TPCN1: variants seen among roughly 807,000 people sequenced by gnomAD.
TPCN1 encodes the protein two pore segment channel 1, also known as two pore channel protein 1.
In TPCN1, 52 loss-of-function variants were observed where a neutral mutation model predicts 108.8. The observed-to-expected ratio is 0.48, with a 90% confidence interval of 0.38 to 0.60. The LOEUF is 0.60. TPCN1 is among the 20% of genes least tolerant of loss of function. The pLI is 0.00. For missense variants in TPCN1, 806 were observed against 1,072.8 expected, an observed-to-expected ratio of 0.75 and a Z score of 3.47; for synonymous variants, 446 against 433.7, an observed-to-expected ratio of 1.03 and a Z score of -0.35.
rs367881305 is a variant in TPCN1 at position 113,278,209 on chromosome 12, T to C, written c.1205T>C (p.Ile402Thr). 5 of 1,613,796 alleles carry C rather than the reference T, an allele frequency of 3.1e-6. No individual in the cohort carries two copies. Among genetic ancestry groups the C allele is most frequent in the Non-Finnish European group, 8.5e-7 (1 of 1,179,866 alleles). ...GGTAGCCTAAAGGACTTTTACGATA[T>C]CTACGAAGTTGCTGCTTTGAAGTGG... ...PLLSLKDFYD[I>T]YEVAALKWKA... Residue 402 changes from isoleucine (I) to threonine (T), a missense_variant, in exon 13 of 28, where the codon ATC becomes ACC. Physicochemically the swap from Ile to Thr is moderately conservative, Grantham distance 89. Transcript: ENST00000335509.
rs1459437268 is a variant in TPCN1, at chr12:113,272,098, G to A, written c.749-560G>A. On this transcript the variant is annotated intron_variant, in intron 7 of 27. Coordinates refer to ENST00000335509, the MANE Select transcript of TPCN1 (RefSeq NM_017901.6). This position sits in a 1 kb window ranked among gnomAD's most constrained non-coding sequence, Gnocchi z 4.1. Reference sequence around the variant, plus strand: ...ACCACCCCACTCTTGGTAGAATTTTGTTTGTGCTTCTCCGGGGGTAGGGGC... The same window carrying A: ...ACCACCCCACTCTTGGTAGAATTTTATTTGTGCTTCTCCGGGGGTAGGGGC... Among the ~76,000 whole-genome samples the A allele has an allele frequency of 6.6e-6, 1 of 152,062 alleles. No individual in the cohort carries two copies. The highest frequency in any genetic ancestry group is 1.5e-5 in the Non-Finnish European group (1 of 68,014).
At position 113,288,153 on chromosome 12, in the gene TPCN1, C is replaced by T. The variant is rs201207330; in HGVS notation, c.1635-10C>T. 100 of 1,611,014 alleles carry T rather than the reference C, an allele frequency of 6.2e-5. No individual in the cohort carries two copies. The African/African-American group carries it at 1.2e-3, about 20-fold the overall frequency. On this transcript the variant is annotated splice_polypyrimidine_tract_variant and intron_variant, in intron 19 of 27. Coordinates refer to ENST00000335509, the MANE Select transcript of TPCN1 (RefSeq NM_017901.6). This position sits in a 1 kb window ranked among gnomAD's most constrained non-coding sequence, Gnocchi z 4.8. ...TGTGTGTGGAGGTGACGGGTGTCCT[C>T]CTCGCTCAGGTTGTTTAAGTTGAAG...
rs1339433450 is a variant in TPCN1 at position 113,278,767 on chromosome 12, A to G, written c.1234-5A>G. The G allele has an allele frequency of 6.2e-7, 1 of 1,613,868 alleles. No homozygotes were observed. The highest frequency in any genetic ancestry group is 8.5e-7 in the Non-Finnish European group (1 of 1,179,834). ...ACCCTCCCTCTTGGTCCTGTTGTCT[A>G]CCAGGCCAAGAAAAACAGAGAGCAC... On this transcript the variant is annotated splice_region_variant and splice_polypyrimidine_tract_variant and intron_variant, in intron 13 of 27. Coordinates refer to ENST00000335509, the MANE Select transcript of TPCN1 (RefSeq NM_017901.6).
At chr12:113,286,906 C>A in intron 18 of TPCN1, 81 bp from the exon 19 acceptor site, 1 of 956,184 alleles carries the variant, frequency 1.0e-6, no homozygotes, top group South Asian at 1.4e-5. Context: ...GGGAGGGTGG[C>A]TGTGCACAGG....
rs1439618229 is a variant in TPCN1 at position 113,231,324 on chromosome 12, C to T, written c.112+4360C>T. On this transcript the variant is annotated intron_variant, in intron 2 of 27. Transcript: ENST00000335509. The surrounding 1 kb of genome is among the most constrained non-coding windows in gnomAD (Gnocchi z 4.3). ...GCAGGTTTGGTTTCTTGCGAAGCCTCTTTCCTTGGCTCGCAAATGGTTATC... is the reference window on the plus strand; with the variant it reads ...GCAGGTTTGGTTTCTTGCGAAGCCTTTTTCCTTGGCTCGCAAATGGTTATC... 1.3e-5 allele frequency among the ~76,000 whole-genome samples: 2 copies of T among 152,220 alleles called. No homozygotes were observed. The highest frequency in any genetic ancestry group is 4.8e-5 in the African/African-American group (2 of 41,462).
chr12:113,286,427 A>T (rs2136729073), intron 18 of TPCN1, among the ~76,000 whole-genome samples: 1 of 152,226 alleles, frequency 6.6e-6, no homozygotes, highest in East Asian at 1.9e-4. Context: ...TTGGGCCGCG[A>T]GGGTGAGCGG....
chr12:113,263,217 A>G (rs1017798645), intron 3 of TPCN1, among the ~76,000 whole-genome samples: 9 of 152,224 alleles, frequency 5.9e-5, no homozygotes, highest in African/African-American at 2.2e-4. Context: ...AAAAAATTAA[A>G]GAAAAACTTG....
At chr12:113,290,309 C>T (rs1268342121) in intron 22 of TPCN1, 66 bp downstream of exon 22, 45 of 1,153,046 alleles carry the variant, frequency 3.9e-5, no homozygotes, top group Non-Finnish European at 2.9e-5. Flanking sequence ...CTTGTCACCA[C>T]GGGTCCCAGA....
chr12:113,292,462 G>T, intron 25 of TPCN1: 1 of 191,792 alleles, frequency 5.2e-6, no homozygotes. Context: ...TCTGTGTGCT[G>T]ACCCTCCCTT....
chr12:113,249,013 G>A (rs1749896147), intron 2 of TPCN1, among the ~76,000 whole-genome samples: 3 of 152,126 alleles, frequency 2.0e-5, no homozygotes, highest in Admixed American at 2.0e-4. Flanking sequence ...CTATTTGTGG[G>A]CCTTTCAGCT....
rs1956425469 is a variant in TPCN1 at position 113,296,203 on chromosome 12, A to G, written c.*127A>G. The G allele has an allele frequency of 7.2e-7, 1 of 1,393,002 alleles. No homozygotes were observed. Among genetic ancestry groups the G allele is most frequent in the South Asian group, 1.5e-5 (1 of 68,436 alleles). The allele number at this position is 1,393,002 out of a possible 1,614,324, so 86.3% of individuals were successfully genotyped here. On this transcript the variant is annotated 3_prime_UTR_variant, in exon 28 of 28. Transcript: ENST00000335509. ...ACATATTTATATACAGGAAGAAAAA[A>G]GACAGACAAGATGGGGCTTGGTTTA...
chr12:113,245,182 T>C (rs1265262547), intron 2 of TPCN1, among the ~76,000 whole-genome samples: 2 of 151,696 alleles, frequency 1.3e-5, no homozygotes, highest in Non-Finnish European at 2.9e-5. Flanking sequence ...GGTGGGAGGA[T>C]TGCTTGAACC....
At chr12:113,291,074 T>A in intron 23 of TPCN1, 76 bp downstream of exon 23, 1 of 1,362,738 alleles carries the variant, frequency 7.3e-7, no homozygotes. Context: ...CAACCCAGAG[T>A]ATATAATTCT....
intron 25 of TPCN1, chr12:113,292,459 G>A (rs2059767): frequency 0.097 from 18,637 of 192,314 alleles, 1,087 homozygotes; most frequent in East Asian, 0.21. Context: ...CTTTCTGTGT[G>A]CTGACCCTCC....
In TPCN1 at chr12:113,284,757, T is replaced by C; in HGVS notation, c.1439T>C (p.Leu480Pro). Residue 480 changes from leucine to proline, a missense_variant, in exon 17 of 28, where the codon CTC (leucine) becomes CCC (proline). Physicochemically the swap from Leu to Pro is moderately conservative, Grantham distance 98. Coordinates refer to ENST00000335509, the MANE Select transcript of TPCN1 (RefSeq NM_017901.6). This position sits in a 1 kb window ranked among gnomAD's most constrained non-coding sequence, Gnocchi z 4.1. Reference sequence around the variant, plus strand: ...TCCAAGCACGTGCCCTGGAGTTACCTCGTCTTTCTAACTAGTACGTTTCCG... The same window carrying C: ...TCCAAGCACGTGCCCTGGAGTTACCCCGTCTTTCTAACTAGTACGTTTCCG... ...FFSKHVPWSYLVFLTIYGVEL... is the reference protein window; with the variant it reads ...FFSKHVPWSYPVFLTIYGVEL... 1 of 1,614,248 alleles carries C rather than the reference T, an allele frequency of 6.2e-7. No individual in the cohort carries two copies. The highest frequency in any genetic ancestry group is 8.5e-7 in the Non-Finnish European group (1 of 1,180,034).
At chr12:113,223,433 G>GTTTTTTTTTTTT (rs1167268590) in intron 1 of TPCN1, among the ~76,000 whole-genome samples, 18 of 101,682 alleles carry the variant, frequency 1.8e-4, no homozygotes, top group Non-Finnish European at 2.6e-4. Context: ...GATCTGCTGA[G>GTTTTTTTTTTTT]TCTTTTTTTT....
intron 3 of TPCN1, among the ~76,000 whole-genome samples, chr12:113,265,671 C>T (rs575343641): frequency 6.6e-6 from 1 of 152,106 alleles, no homozygotes; most frequent in South Asian, 2.1e-4. Context: ...CTCAGCCTCC[C>T]AAGTGGCTGG....
Position 113,273,466 on chromosome 12 carries a change from G to T in TPCN1, c.843-103G>T. 1 of 1,283,426 alleles carries T rather than the reference G, an allele frequency of 7.8e-7. No individual in the cohort carries two copies. The highest frequency in any genetic ancestry group is 2.3e-5 in the East Asian group (1 of 43,242). The allele number at this position is 1,283,426 out of a possible 1,614,324, so 79.5% of individuals were successfully genotyped here. On this transcript the variant is annotated intron_variant, in intron 9 of 27. Transcript: ENST00000335509. The surrounding 1 kb of genome is among the most constrained non-coding windows in gnomAD (Gnocchi z 4.0). ...GATGAGAGTAGGGGAACCAGGGTTG[G>T]AGGCTGGGAAGGCAGACAAGGAGCT...
intron 2 of TPCN1, among the ~76,000 whole-genome samples, chr12:113,230,853 C>T (rs919569478): frequency 2.0e-5 from 3 of 152,214 alleles, no homozygotes; most frequent in Non-Finnish European, 4.4e-5. Flanking sequence ...TCTGGGGCCT[C>T]GCAGCCCATG....
Sources: gnomAD v4.1 joint callset for allele counts (sites outside exome capture counted in the v4.1 genomes callset) on GRCh38, gnomAD v4.1.1 for gene constraint, Gnocchi (gnomAD v3.1) non-coding constraint, MANE v1.5 for transcripts, NCBI Gene and HGNC (gene_info 2026-07-23, HGNC 2026-07-21) for gene names.